The following NBEA variants were observed in gnomAD, a reference collection of about 807,000 sequenced individuals.
NBEA encodes the protein lysosomal-trafficking regulator 2.
NBEA carries 44 observed loss-of-function variants against 343.4 expected under a neutral mutation model. That is an observed-to-expected ratio of 0.13 (90% CI 0.10 to 0.16). The LOEUF (loss-of-function observed/expected upper bound fraction) is 0.16, where lower values mean the gene tolerates loss of function less well. Ranked by LOEUF, NBEA falls within the 10% of genes least tolerant of loss-of-function variation. The probability of loss-of-function intolerance (pLI) is 1.00; values close to 1 mark genes in which losing one functional copy is unlikely to be tolerated. For synonymous variants in NBEA, 1,175 were observed against 1,238.7 expected, an observed-to-expected ratio of 0.95 and a Z score of 1.08; for missense variants, 2,555 against 3,631.3, an observed-to-expected ratio of 0.70 and a Z score of 7.62.
chr13:35,251,726 C>A, intron 34 of NBEA: 1 of 295,004 alleles, frequency 3.4e-6, no homozygotes, highest in South Asian at 4.4e-5. Context: ...GGATGACTAC[C>A]CGATGGAGCT....
intron 41 of NBEA, among the ~76,000 whole-genome samples, chr13:35,547,986 G>A (rs2079141237): frequency 6.6e-6 from 1 of 152,150 alleles, no homozygotes; most frequent in South Asian, 2.1e-4. Flanking sequence ...GAAGTACTGA[G>A]AAAACTGCTG....
intron 45 of NBEA, among the ~76,000 whole-genome samples, chr13:35,579,002 C>T (rs564460652): frequency 6.6e-6 from 1 of 151,698 alleles, no homozygotes; most frequent in Admixed American, 6.6e-5. Context: ...GAATTTTCCA[C>T]TTATGGTGTC....
At chr13:35,629,942 C>T (rs2083381652) in intron 49 of NBEA, among the ~76,000 whole-genome samples, 1 of 152,068 alleles carries the variant, frequency 6.6e-6, no homozygotes, top group Admixed American at 6.5e-5. Context: ...GGCATTTTTG[C>T]TTTTGGATAT....
intron 38 of NBEA, among the ~76,000 whole-genome samples, chr13:35,380,061 G>C (rs2041931685): frequency 6.6e-6 from 1 of 152,186 alleles, no homozygotes; most frequent in Admixed American, 6.5e-5. Flanking sequence ...TTGGAGGGAA[G>C]TGACACCTTT....
At chr13:35,012,691 A>G (rs1007855612) in intron 1 of NBEA, among the ~76,000 whole-genome samples, 9 of 152,218 alleles carry the variant, frequency 5.9e-5, no homozygotes, top group Admixed American at 6.5e-5. Context: ...AGTAAAGTAT[A>G]TTTTGTATAA....
intron 11 of NBEA, among the ~76,000 whole-genome samples, chr13:35,101,726 G>A (rs2065656268): frequency 6.6e-6 from 1 of 151,282 alleles, no homozygotes. Context: ...ATCTTCTTTT[G>A]TTAAATACCT....
intron 41 of NBEA, among the ~76,000 whole-genome samples, chr13:35,485,040 C>T (rs536801700): frequency 6.6e-6 from 1 of 152,220 alleles, no homozygotes; most frequent in Admixed American, 6.5e-5. Flanking sequence ...GTTTCAGACT[C>T]ATAGTAGCAC....
chr13:35,087,307 A>T (rs2064825492), intron 10 of NBEA, among the ~76,000 whole-genome samples: 1 of 151,846 alleles, frequency 6.6e-6, no homozygotes, highest in Non-Finnish European at 1.5e-5. Context: ...GTCTATATTT[A>T]AAAATTAAAA....
At chr13:35,138,928 A>G (rs1192014356) in intron 17 of NBEA, among the ~76,000 whole-genome samples, 1 of 152,112 alleles carries the variant, frequency 6.6e-6, no homozygotes. Context: ...TATGCATAGT[A>G]ATTAATCTGT....
At chr13:35,092,240 G>A (rs1294965156) in intron 10 of NBEA, among the ~76,000 whole-genome samples, 3 of 151,890 alleles carry the variant, frequency 2.0e-5, no homozygotes, top group Non-Finnish European at 2.9e-5. Flanking sequence ...AAAAAACTAA[G>A]TCTAAATATA....
At chr13:35,049,050 T>A (rs2062968027) in intron 5 of NBEA, among the ~76,000 whole-genome samples, 1 of 151,866 alleles carries the variant, frequency 6.6e-6, no homozygotes, top group South Asian at 2.1e-4. Context: ...GCCTTTTCAC[T>A]TACTTTGTTC....
chr13:35,232,907 T>A (rs1289828588), intron 34 of NBEA, among the ~76,000 whole-genome samples: 1 of 152,086 alleles, frequency 6.6e-6, no homozygotes. Flanking sequence ...GTATATCCTG[T>A]CATTAAGATA....
intron 23 of NBEA, among the ~76,000 whole-genome samples, chr13:35,163,490 A>C (rs1220957062): frequency 1.3e-5 from 2 of 151,870 alleles, no homozygotes; most frequent in African/African-American, 4.8e-5. Flanking sequence ...AACATTAACT[A>C]GGCGTGGTGG....
At chr13:35,004,771 A>G (rs2061260820) in intron 1 of NBEA, among the ~76,000 whole-genome samples, 1 of 152,218 alleles carries the variant, frequency 6.6e-6, no homozygotes, top group South Asian at 2.1e-4. Flanking sequence ...CTGGTTAAAG[A>G]TCCAAAAGAA....
intron 6 of NBEA, among the ~76,000 whole-genome samples, chr13:35,055,211 T>C (rs1210406015): frequency 1.3e-5 from 2 of 152,148 alleles, no homozygotes; most frequent in African/African-American, 2.4e-5. Context: ...CATTTGTATT[T>C]TTCTATACTT....
At chr13:35,557,210 T>A (rs1230463236) in intron 44 of NBEA, among the ~76,000 whole-genome samples, 1 of 152,138 alleles carries the variant, frequency 6.6e-6, no homozygotes, top group Non-Finnish European at 1.5e-5. Flanking sequence ...TAGTTCATTG[T>A]TTTAAAGGTC....
chr13:34,962,283 C>T (rs1017479433), intron 1 of NBEA, among the ~76,000 whole-genome samples: 2 of 152,070 alleles, frequency 1.3e-5, no homozygotes, highest in Middle Eastern at 3.4e-3. Flanking sequence ...TATGTGTGTA[C>T]ATATGTGTCT....
intron 38 of NBEA, among the ~76,000 whole-genome samples, chr13:35,366,719 A>G (rs2041140168): frequency 1.3e-5 from 2 of 151,100 alleles, no homozygotes; most frequent in South Asian, 4.2e-4. Context: ...AAAAAAACTG[A>G]GGAAATTGGA....
At chr13:35,320,657 G>A (rs911050832) in intron 36 of NBEA, among the ~76,000 whole-genome samples, 1 of 152,092 alleles carries the variant, frequency 6.6e-6, no homozygotes, top group African/African-American at 2.4e-5. Context: ...GCTAGGTTGG[G>A]GAAGTTCTCC....
Sources: gnomAD v4.1 joint callset for allele counts (sites outside exome capture counted in the v4.1 genomes callset) on GRCh38, gnomAD v4.1.1 for gene constraint, MANE v1.5 for transcripts, NCBI Gene and HGNC (gene_info 2026-07-23, HGNC 2026-07-21) for gene names.